The following ABCA13 variants were observed in gnomAD, a reference collection of about 807,000 sequenced individuals.
The protein encoded by ABCA13 is ATP-binding cassette sub-family A member 13.
A neutral mutation model predicts 478.7 loss-of-function variants in ABCA13; 476 were observed. That is an observed-to-expected ratio of 0.99 (90% confidence interval 0.92 to 1.07). ABCA13 has a LOEUF of 1.07. Among genes scored for constraint, ABCA13 ranks in the 50% least tolerant of loss-of-function variants. ABCA13 has a pLI of 0.00. For missense variants in ABCA13, 6,060 were observed against 5,910.6 expected, an observed-to-expected ratio of 1.03 and a Z score of -0.83; for synonymous variants, 2,252 against 2,158.9, an observed-to-expected ratio of 1.04 and a Z score of -1.20.
chr7:48,600,639 G>A (rs1790793424), intron 58 of ABCA13, among the ~76,000 whole-genome samples: 3 of 152,036 alleles, frequency 2.0e-5, no homozygotes, highest in Admixed American at 2.0e-4. Context: ...TTCTAGAAAA[G>A]TGTTGTAATC....
intron 55 of ABCA13, among the ~76,000 whole-genome samples, chr7:48,535,881 C>A (rs1438078937): frequency 6.6e-6 from 1 of 152,128 alleles, no homozygotes; most frequent in Non-Finnish European, 1.5e-5. Context: ...CCAACAGCAT[C>A]AAGTCAATTT....
chr7:48,386,701 A>T (rs1815246082), intron 35 of ABCA13, among the ~76,000 whole-genome samples: 2 of 152,174 alleles, frequency 1.3e-5, no homozygotes, highest in Non-Finnish European at 2.9e-5. Flanking sequence ...ATTGAAACTG[A>T]ACCCCTTCCT....
intron 41 of ABCA13, among the ~76,000 whole-genome samples, chr7:48,425,354 T>C (rs1821263853): frequency 6.6e-6 from 1 of 152,200 alleles, no homozygotes; most frequent in Non-Finnish European, 1.5e-5. Flanking sequence ...ATGCTTCATA[T>C]AATCATAGTT....
rs773054596 is a variant in ABCA13, at chr7:48,455,220, C to G, written c.12749C>G (p.Ala4250Gly). The change falls in exon 43 of 62, where the codon GCC (alanine) becomes GGC (glycine). Residue 4250 changes from alanine to glycine, a missense_variant. Around this residue, in one of 3 missense-constraint regions of ABCA13, gnomAD observed 1,627 missense variants for 1,571.0 expected, o/e 1.04. Transcript: ENST00000435803. Reference protein sequence around the residue: ...AMGLFMVRPLATEYPPLRLTP... With the variant: ...AMGLFMVRPLGTEYPPLRLTP... ...GGCTTGTTCATGGTGAGACCCCTGG[C>G]CACCGAGTACCCTCCCCTCAGACTC... is the stretch of plus-strand genomic sequence containing the variant. 1.2e-6 allele frequency: 2 copies of G among 1,600,550 alleles called. No homozygotes were observed. Among genetic ancestry groups the G allele is most frequent in the East Asian group, 2.3e-5 (1 of 44,238 alleles).
intron 35 of ABCA13, among the ~76,000 whole-genome samples, chr7:48,385,344 G>A (rs1218017501): frequency 1.3e-5 from 2 of 152,066 alleles, no homozygotes; most frequent in African/African-American, 4.8e-5. Context: ...CGCAGTGCAT[G>A]TTGTTCATGT....
intron 35 of ABCA13, among the ~76,000 whole-genome samples, chr7:48,387,436 G>A (rs928527120): frequency 6.6e-6 from 1 of 152,002 alleles, no homozygotes; most frequent in African/African-American, 2.4e-5. Context: ...CTCTTGTCTA[G>A]GAATCCATGC....
At chr7:48,366,498 T>A (rs1811694010) in intron 31 of ABCA13, among the ~76,000 whole-genome samples, 1 of 152,118 alleles carries the variant, frequency 6.6e-6, no homozygotes, top group Non-Finnish European at 1.5e-5. Flanking sequence ...CTGGGTAGTC[T>A]GTGAAGAAGA....
intron 43 of ABCA13, 123 bp from the exon 44 acceptor site, chr7:48,466,833 A>G (rs1826927317): frequency 2.3e-6 from 2 of 877,082 alleles, no homozygotes; most frequent in Non-Finnish European, 3.8e-6. Flanking sequence ...CTCACTTACT[A>G]GGAATCATTA....
intron 55 of ABCA13, among the ~76,000 whole-genome samples, chr7:48,537,011 C>T (rs758085237): frequency 5.9e-5 from 9 of 151,858 alleles, no homozygotes; most frequent in Non-Finnish European, 1.2e-4. Flanking sequence ...TATGGTTCTC[C>T]TAAAATTTGT....
chr7:48,408,545 G>A (rs1017888436), intron 39 of ABCA13, among the ~76,000 whole-genome samples: 2 of 152,126 alleles, frequency 1.3e-5, no homozygotes, highest in South Asian at 2.1e-4. Context: ...TTGTGTCTAC[G>A]TTCCATAGTT....
intron 55 of ABCA13, among the ~76,000 whole-genome samples, chr7:48,550,890 A>G (rs943159625): frequency 6.6e-6 from 1 of 151,576 alleles, no homozygotes; most frequent in Admixed American, 6.6e-5. Flanking sequence ...GATAAGACTA[A>G]TAGAGGCCAA....
At position 48,269,088 on chromosome 7, in the gene ABCA13, T is replaced by C; in HGVS notation, c.2114T>C (p.Ile705Thr). ...NNLLKSPTAS[I>T]SRALNFTKHL... The stretch of plus-strand genomic sequence containing the variant: ...TTACTCAAGTCTCCAACAGCTTCCA[T>C]ATCCAGGTAAGTTATCAGAATCCAA... Residue 705 changes from isoleucine (I) to threonine (T), a missense_variant, in exon 16 of 62, where the codon ATA becomes ACA. Ile to Thr is a moderately conservative substitution (Grantham distance 89, BLOSUM62 -1). Transcript: ENST00000435803. 1 of 1,533,640 alleles carries C rather than the reference T, an allele frequency of 6.5e-7. No individual in the cohort carries two copies. The highest frequency in any genetic ancestry group is 9.0e-7 in the Non-Finnish European group (1 of 1,109,506).
intron 31 of ABCA13, among the ~76,000 whole-genome samples, chr7:48,366,911 C>T (rs994681755): frequency 1.3e-5 from 2 of 152,078 alleles, no homozygotes; most frequent in Non-Finnish European, 1.5e-5. Context: ...CCCACCTTGC[C>T]GACACACTGG....
Position 48,279,460 on chromosome 7 carries a change from A to C in ABCA13, c.8266A>C (p.Asn2756His). ...LWKNLKKDNW[N>H]VSNVLMTFTQ... Reference sequence around the variant, plus strand: ...GAAAAACTTAAAGAAAGATAATTGGAATGTTTCTAATGTGTTGATGACATT... The same window carrying C: ...GAAAAACTTAAAGAAAGATAATTGGCATGTTTCTAATGTGTTGATGACATT... Residue 2756 changes from asparagine (N) to histidine (H), a missense_variant, in exon 18 of 62, where the codon AAT becomes CAT. Asn to His is a moderately conservative substitution (Grantham distance 68). Coordinates refer to ENST00000435803, the MANE Select transcript of ABCA13 (RefSeq NM_152701.5). 1 of 1,609,900 alleles carries C rather than the reference A, an allele frequency of 6.2e-7. No individual in the cohort carries two copies. Among genetic ancestry groups the C allele is most frequent in the Non-Finnish European group, 8.5e-7 (1 of 1,177,488 alleles).
rs1259582100 is a variant in ABCA13 at position 48,516,990 on chromosome 7, AT to A, written c.13797+111del. ...TCTGACTGGAATTCAATGGAAATGC[AT>A]TGGTATCCACTGTCTTTAAACTCCA... On this transcript the variant is annotated intron_variant, in intron 52 of 61. Coordinates refer to ENST00000435803, the MANE Select transcript of ABCA13 (RefSeq NM_152701.5). 3 of 1,220,752 alleles carry A rather than the reference AT, an allele frequency of 2.5e-6. No homozygotes were observed. The African/African-American group carries it at 4.5e-5, about 18-fold the overall frequency. 75.6% of individuals were successfully genotyped at this position (1,220,752 alleles called of 1,614,324 possible).
chr7:48,494,120 C>T (rs1451128606), intron 48 of ABCA13, among the ~76,000 whole-genome samples: 2 of 152,154 alleles, frequency 1.3e-5, no homozygotes, highest in Non-Finnish European at 2.9e-5. Flanking sequence ...CCCTGGAGGG[C>T]CACAACTCAT....
Position 48,249,198 on chromosome 7 carries a change from CT to C in ABCA13, c.1866-9del. ...TTTAAATTTTAATTTTCTCTGGATT[CT>C]TTTTGATTGCAGGATATTTCATACA... On this transcript the variant is annotated splice_polypyrimidine_tract_variant and intron_variant, in intron 14 of 61. Coordinates refer to ENST00000435803, the MANE Select transcript of ABCA13 (RefSeq NM_152701.5). 1 of 1,590,028 alleles carries C rather than the reference CT, an allele frequency of 6.3e-7. No individual in the cohort carries two copies. The highest frequency in any genetic ancestry group is 8.6e-7 in the Non-Finnish European group (1 of 1,167,606).
intron 45 of ABCA13, among the ~76,000 whole-genome samples, chr7:48,476,788 A>G (rs531245587): frequency 2.0e-5 from 3 of 152,288 alleles, no homozygotes; most frequent in Admixed American, 2.0e-4. Flanking sequence ...TGAGCATGGC[A>G]TGTGCTTAAC....
chr7:48,486,991 G>A (rs1197785309), intron 47 of ABCA13, among the ~76,000 whole-genome samples: 1 of 152,132 alleles, frequency 6.6e-6, no homozygotes, highest in African/African-American at 2.4e-5. Context: ...GGATGGTGAA[G>A]AACTAGGGCC....
Sources: allele counts gnomAD v4.1 joint callset (sites outside exome capture counted in the v4.1 genomes callset), GRCh38; gene constraint gnomAD v4.1.1; regional missense constraint gnomAD v4.1.1; transcripts MANE v1.5; gene names NCBI Gene and HGNC (gene_info 2026-07-23, HGNC 2026-07-21).